Variants in EPHB6 observed in about 807,000 individuals in gnomAD.
EPHB6 encodes the protein EPH receptor B6.
EPHB6 carries 51 observed loss-of-function variants against 107.0 expected under a neutral mutation model. The ratio of observed to expected loss-of-function variants is 0.48; its 90% CI spans 0.38 to 0.60. The LOEUF is 0.60. Ranked by LOEUF, EPHB6 falls within the 20% of genes least tolerant of loss-of-function variation. EPHB6 has a pLI of 0.00. For missense variants in EPHB6, 1,141 were observed against 1,355.5 expected, an observed-to-expected ratio of 0.84 and a Z score of 2.48; for synonymous variants, 553 against 549.0, an observed-to-expected ratio of 1.01 and a Z score of -0.10.
At position 142,864,578 on chromosome 7, in the gene EPHB6, G is replaced by C. The variant is rs1232997179; in HGVS notation, c.778G>C (p.Val260Leu). 18 of 1,612,936 alleles carry C rather than the reference G, an allele frequency of 1.1e-5. No homozygotes were observed. The highest frequency in any genetic ancestry group is 6.7e-5 in the Admixed American group (4 of 60,006). Residue 260 changes from valine (V) to leucine (L), a missense_variant, in exon 7 of 20, where the codon GTG becomes CTG. By Grantham distance (32) the Val-to-Leu change is conservative. Coordinates refer to ENST00000652003, the MANE Select transcript of EPHB6 (RefSeq NM_004445.6). Reference sequence around the variant, plus strand: ...TGGGGGGGCCTCCCTGGTGGCAGCTGTGGGCACCTGTGTGGCTCATGCAGA... The same window carrying C: ...TGGGGGGGCCTCCCTGGTGGCAGCTCTGGGCACCTGTGTGGCTCATGCAGA... ...GAGGASLVAA[V>L]GTCVAHAEPE...
chr7:142,870,951 G>T lies in EPHB6; in HGVS notation c.*47G>T. Reference sequence around the variant, plus strand: ...AGCCCTGGACACTGGTCCGAGAAGGGACATGTGGGACGTGAGCCGGGCTCC... The same window carrying T: ...AGCCCTGGACACTGGTCCGAGAAGGTACATGTGGGACGTGAGCCGGGCTCC... On this transcript the variant is annotated 3_prime_UTR_variant, in exon 20 of 20. Coordinates refer to ENST00000652003, the MANE Select transcript of EPHB6 (RefSeq NM_004445.6). 1 of 1,564,120 alleles carries T rather than the reference G, an allele frequency of 6.4e-7. No homozygotes were observed. The highest frequency in any genetic ancestry group is 8.7e-7 in the Non-Finnish European group (1 of 1,150,910).
Position 142,864,222 on chromosome 7 carries a change from C to A in EPHB6, c.422C>A (p.Pro141His). ...CGTCAGGCTGAGGAGCCCGACAGCC[C>A]TGACAGCGTTTCCTCCTGGCACCTC... The part of the protein sequence containing the change: ...YYRQAEEPDS[P>H]DSVSSWHLKR... Residue 141 changes from proline (P) to histidine (H), a missense_variant, in exon 7 of 20, where the codon CCT (proline) becomes CAT (histidine). Around this residue, in one of 3 missense-constraint regions of EPHB6, gnomAD observed 221 missense variants for 300.5 expected, o/e 0.74. Coordinates refer to ENST00000652003, the MANE Select transcript of EPHB6 (RefSeq NM_004445.6). The A allele has an allele frequency of 6.2e-7, 1 of 1,613,926 alleles. No individual in the cohort carries two copies. The highest frequency in any genetic ancestry group is 8.5e-7 in the Non-Finnish European group (1 of 1,180,042).
intron 17 of EPHB6, 107 bp from the exon 18 acceptor site, chr7:142,870,107 A>ACTC: frequency 6.3e-7 from 1 of 1,581,210 alleles, no homozygotes; most frequent in Non-Finnish European, 8.7e-7. Context: ...TTCCTTCTCC[A>ACTC]CTCCAACCTC....
rs1231578096 is a variant in EPHB6 at position 142,866,525 on chromosome 7, A to G, written c.1507A>G (p.Asn503Asp). 1.2e-6 allele frequency: 2 copies of G among 1,614,116 alleles called. No individual in the cohort carries two copies. Among genetic ancestry groups the G allele is most frequent in the East Asian group, 4.5e-5 (2 of 44,872 alleles). Residue 503 changes from asparagine (N) to aspartate (D), a missense_variant, in exon 10 of 20, where the codon AAC (asparagine) becomes GAC (aspartate). This residue lies in a region of EPHB6 where 616 missense variants were observed against 759.3 expected (regional missense o/e 0.81). Coordinates refer to ENST00000652003, the MANE Select transcript of EPHB6 (RefSeq NM_004445.6). The surrounding 1 kb of genome is among the most constrained non-coding windows in gnomAD (Gnocchi z 5.2). Reference sequence around the variant, plus strand: ...GGTGCACCAGGTGAGCCGGGCATCCAACAGCATCACGGTGTCCTGGCCGCA... The same window carrying G: ...GGTGCACCAGGTGAGCCGGGCATCCGACAGCATCACGGTGTCCTGGCCGCA... ...PVVHQVSRASNSITVSWPQPD... is the reference protein window; with the variant it reads ...PVVHQVSRASDSITVSWPQPD...
At chr7:142,863,530 G>A in intron 5 of EPHB6, 101 bp from the exon 6 acceptor site, 2 of 1,432,748 alleles carry the variant, frequency 1.4e-6, no homozygotes, top group South Asian at 1.1e-5. Context: ...AAAGACATGG[G>A]CCCGGGTGGG....
Position 142,868,181 on chromosome 7 carries a change from G to C in EPHB6, c.1919-60G>C. 1 of 1,614,050 alleles carries C rather than the reference G, an allele frequency of 6.2e-7. No homozygotes were observed. The highest frequency in any genetic ancestry group is 8.5e-7 in the Non-Finnish European group (1 of 1,179,982). ...TTCTGGAGGTAAGTGGGCATGTCTG[G>C]GGTGCGCGGGCAGCCCTGCCTTTCA... On this transcript the variant is annotated intron_variant, in intron 13 of 19. Transcript: ENST00000652003. This position sits in a 1 kb window ranked among gnomAD's most constrained non-coding sequence, Gnocchi z 4.2.
In EPHB6 at chr7:142,864,369, G is replaced by A. The variant is rs1240703539; in HGVS notation, c.569G>A (p.Arg190Gln). 8 of 1,613,156 alleles carry A rather than the reference G, an allele frequency of 5.0e-6. No individual in the cohort carries two copies. Among genetic ancestry groups the A allele is most frequent in the East Asian group, 2.2e-5 (1 of 44,900 alleles). ...GTGGGACCCCACGGGGCTGGGCAGC[G>A]GGCTGGACTGCAACTGAACGTCAAA... ...WAVGPHGAGQ[R>Q]AGLQLNVKER... The change falls in exon 7 of 20, where the codon CGG becomes CAG. Residue 190 changes from arginine to glutamine, a missense_variant. Arg to Gln is a conservative substitution (Grantham distance 43). Transcript: ENST00000652003.
At position 142,863,115 on chromosome 7, in the gene EPHB6, G is replaced by T. The variant is rs896603097; in HGVS notation, c.-101-12G>T. ...TCCCACCTGCCTCTTCTGGTCTTGT[G>T]TGTCTCCTCAGGAAGCAAGCTTAGC... On this transcript the variant is annotated splice_polypyrimidine_tract_variant and intron_variant, in intron 4 of 19. Coordinates refer to ENST00000652003, the MANE Select transcript of EPHB6 (RefSeq NM_004445.6). 2.4e-6 allele frequency: 2 copies of T among 831,704 alleles called. No individual in the cohort carries two copies. The highest frequency in any genetic ancestry group is 2.0e-6 in the Non-Finnish European group (1 of 510,290). 51.5% of individuals were successfully genotyped at this position (831,704 alleles called of 1,614,324 possible).
rs1473310270 is a variant in EPHB6 at position 142,868,410 on chromosome 7, C to T, written c.2038+50C>T. On this transcript the variant is annotated intron_variant, in intron 14 of 19. Coordinates refer to ENST00000652003, the MANE Select transcript of EPHB6 (RefSeq NM_004445.6). This position sits in a 1 kb window ranked among gnomAD's most constrained non-coding sequence, Gnocchi z 4.2. ...CAGAGCGACGGGGCTCCCTTGTGGC[C>T]TCCGCTGGCCAGAGTCCCATCCAAA... 6 of 1,613,830 alleles carry T rather than the reference C, an allele frequency of 3.7e-6. No homozygotes were observed. Among genetic ancestry groups the T allele is most frequent in the African/African-American group, 1.3e-5 (1 of 74,906 alleles).
At chr7:142,859,010 T>C (rs1017262556) in intron 1 of EPHB6, among the ~76,000 whole-genome samples, 1 of 152,242 alleles carries the variant, frequency 6.6e-6, no homozygotes, top group Non-Finnish European at 1.5e-5. Flanking sequence ...TCCACCATTG[T>C]TTTATGTTCA....
Position 142,867,413 on chromosome 7 carries a change from G to C in EPHB6, c.1751-195G>C. The C allele has an allele frequency of 1.5e-6, 1 of 660,910 alleles. No individual in the cohort carries two copies. Among genetic ancestry groups the C allele is most frequent in the East Asian group, 2.7e-5 (1 of 36,720 alleles). The allele number at this position is 660,910 out of a possible 1,614,324, so 40.9% of individuals were successfully genotyped here. On this transcript the variant is annotated intron_variant, in intron 11 of 19. Coordinates refer to ENST00000652003, the MANE Select transcript of EPHB6 (RefSeq NM_004445.6). This position sits in a 1 kb window ranked among gnomAD's most constrained non-coding sequence, Gnocchi z 5.3. Reference sequence around the variant, plus strand: ...GGCTGTGGGGATGTGTGTGTGTGTTGTGTGTCCCTGTGTGTGGATGTGGGA... The same window carrying C: ...GGCTGTGGGGATGTGTGTGTGTGTTCTGTGTCCCTGTGTGTGGATGTGGGA...
Position 142,866,107 on chromosome 7 carries a change from C to T in EPHB6, c.1253C>T (p.Ala418Val), listed in dbSNP as rs1034343250. 23 of 1,612,772 alleles carry T rather than the reference C, an allele frequency of 1.4e-5. No individual in the cohort carries two copies. Among genetic ancestry groups the T allele is most frequent in the Non-Finnish European group, 1.9e-5 (22 of 1,179,462 alleles). Residue 418 changes from alanine to valine, a missense_variant, in exon 9 of 20, where the codon GCC becomes GTC. By Grantham distance (64) the Ala-to-Val change is moderately conservative (BLOSUM62 0). Coordinates refer to ENST00000652003, the MANE Select transcript of EPHB6 (RefSeq NM_004445.6). The surrounding 1 kb of genome is among the most constrained non-coding windows in gnomAD (Gnocchi z 5.2). ...CKECEGRQEP[A>V]SGGGGTCHRC... ...GAGTGTGAAGGCCGCCAGGAACCTG[C>T]CAGCGGTGGTGGGGGCACTTGTCAC... is the stretch of plus-strand genomic sequence containing the variant.
In EPHB6 at chr7:142,866,117, T is replaced by C. The variant is rs1432402161; in HGVS notation, c.1263T>C (p.Gly421=). ...CEGRQEPASG[G]GGTCHRCRDE... ...GCCGCCAGGAACCTGCCAGCGGTGG[T>C]GGGGGCACTTGTCACCGCTGCAGGG... Residue 421 remains glycine, a synonymous_variant, in exon 9 of 20, where the codon GGT becomes GGC. Transcript: ENST00000652003. The surrounding 1 kb of genome is among the most constrained non-coding windows in gnomAD (Gnocchi z 5.2). 3 of 1,613,188 alleles carry C rather than the reference T, an allele frequency of 1.9e-6. No individual in the cohort carries two copies. The highest frequency in any genetic ancestry group is 1.7e-5 in the Admixed American group (1 of 59,910).
rs779680824 is a variant in EPHB6 at position 142,865,567 on chromosome 7, G to A, written c.1042G>A (p.Val348Ile). ...RSHAPNPAAPVCPCLEGFYRA... is the reference protein window; with the variant it reads ...RSHAPNPAAPICPCLEGFYRA... Reference sequence around the variant, plus strand: ...TCACGCTCCCAACCCAGCAGCCCCCGTTTGCCCCTGCCTGGAGGGCTTCTA... The same window carrying A: ...TCACGCTCCCAACCCAGCAGCCCCCATTTGCCCCTGCCTGGAGGGCTTCTA... Residue 348 changes from valine (V) to isoleucine (I), a missense_variant, in exon 8 of 20, where the codon GTT (valine) becomes ATT (isoleucine). By Grantham distance (29) the Val-to-Ile change is conservative. Around this residue, in one of 3 missense-constraint regions of EPHB6, gnomAD observed 304 missense variants for 295.7 expected, o/e 1.03. Coordinates refer to ENST00000652003, the MANE Select transcript of EPHB6 (RefSeq NM_004445.6). 21 of 1,613,634 alleles carry A rather than the reference G, an allele frequency of 1.3e-5. No individual in the cohort carries two copies. The highest frequency in any genetic ancestry group is 8.8e-5 in the South Asian group (8 of 91,062).
At position 142,868,937 on chromosome 7, in the gene EPHB6, C is replaced by T. The variant is rs775637885; in HGVS notation, c.2287-37C>T. The T allele has an allele frequency of 1.4e-5, 23 of 1,600,646 alleles. No individual in the cohort carries two copies. In the East Asian group the frequency reaches 1.8e-4, roughly 12 times the overall value. ...GTATGTTGAGGTCTCCCCCTGTCTC[C>T]GATCACTGACCTCTGCCCCCTGCCC... On this transcript the variant is annotated intron_variant, in intron 15 of 19. Transcript: ENST00000652003. This position sits in a 1 kb window ranked among gnomAD's most constrained non-coding sequence, Gnocchi z 4.2.
At chr7:142,861,854 A>G (rs1312527445) in intron 2 of EPHB6, 163 bp from the exon 3 acceptor site, 1 of 152,236 alleles carries the variant, frequency 6.6e-6, no homozygotes, top group African/African-American at 2.4e-5. Flanking sequence ...TTGTCCTCCC[A>G]AGAGAATATT....
chr7:142,862,982 T>G, intron 4 of EPHB6, 145 bp from the exon 5 acceptor site: 1 of 558,684 alleles, frequency 1.8e-6, no homozygotes, highest in Non-Finnish European at 3.2e-6. Flanking sequence ...GTATGCAACC[T>G]GGCTTCTGTC....
Position 142,867,384 on chromosome 7 carries a change from G to A in EPHB6, c.1751-224G>A. 1 of 648,508 alleles carries A rather than the reference G, an allele frequency of 1.5e-6. No individual in the cohort carries two copies. Among genetic ancestry groups the A allele is most frequent in the Non-Finnish European group, 2.8e-6 (1 of 356,734 alleles). The allele number at this position is 648,508 out of a possible 1,614,324, so 40.2% of individuals were successfully genotyped here. The stretch of plus-strand genomic sequence containing the variant: ...GTTGTGTGTCCCTGTGTGTGGATGT[G>A]GAGGGCTGTGGGGATGTGTGTGTGT... On this transcript the variant is annotated intron_variant, in intron 11 of 19. Transcript: ENST00000652003. This position sits in a 1 kb window ranked among gnomAD's most constrained non-coding sequence, Gnocchi z 5.3.
chr7:142,868,318 G>A lies in EPHB6; in HGVS notation c.1996G>A (p.Val666Ile). 6.2e-7 allele frequency: 1 copy of A among 1,614,140 alleles called. No individual in the cohort carries two copies. The highest frequency in any genetic ancestry group is 2.2e-5 in the East Asian group (1 of 44,880). Residue 666 changes from valine to isoleucine, a missense_variant, in exon 14 of 20, where the codon GTC becomes ATC. By Grantham distance (29) the Val-to-Ile change is conservative (BLOSUM62 3). Coordinates refer to ENST00000652003, the MANE Select transcript of EPHB6 (RefSeq NM_004445.6). This position sits in a 1 kb window ranked among gnomAD's most constrained non-coding sequence, Gnocchi z 4.2. Reference protein sequence around the residue: ...CQAIRELAREVDPAYIKIEEV... With the variant: ...CQAIRELAREIDPAYIKIEEV... ...GGCCATCCGAGAACTTGCCCGGGAA[G>A]TCGATCCTGCTTATATCAAGATTGA...
Sources: gnomAD v4.1 joint callset for allele counts (sites outside exome capture counted in the v4.1 genomes callset) on GRCh38, gnomAD v4.1.1 for gene constraint, gnomAD v4.1.1 regional missense constraint, Gnocchi (gnomAD v3.1) non-coding constraint, MANE v1.5 for transcripts, NCBI Gene and HGNC (gene_info 2026-07-23, HGNC 2026-07-21) for gene names.